The following HOMER2 variants were observed in gnomAD, a reference collection of about 807,000 sequenced individuals.
HOMER2 encodes homer scaffold protein 2.
In HOMER2, 27 loss-of-function variants were observed where a neutral mutation model predicts 47.0. The ratio of observed to expected loss-of-function variants is 0.57; its 90% CI spans 0.42 to 0.79. The LOEUF is 0.79. Ranked by LOEUF, HOMER2 falls within the 30% of genes least tolerant of loss-of-function variation. The pLI is 0.00. For missense variants in HOMER2, 443 were observed against 435.0 expected (o/e 1.02, Z -0.16); for synonymous variants, 161 against 163.8 (o/e 0.98, Z 0.13).
At chr15:82,839,155 C>CA in exon 2 of HOMER2, 1 of 152,146 alleles carries the variant, frequency 6.6e-6, no homozygotes, top group Non-Finnish European at 1.5e-5. Context: ...GCTTTTACCC[C>CA]AATAGCCAGG....
chr15:82,923,486 C>CAAAA (rs555074000), intron 1 of HOMER2, among the ~76,000 whole-genome samples: 1 of 56,300 alleles, frequency 1.8e-5, no homozygotes, highest in Non-Finnish European at 3.5e-5. Context: ...GAGTCCGTCT[C>CAAAA]AAAAAAAAAA....
intron 3 of HOMER2, among the ~76,000 whole-genome samples, chr15:82,874,437 A>G (rs1354006877): frequency 6.6e-6 from 1 of 152,212 alleles, no homozygotes; most frequent in Non-Finnish European, 1.5e-5. Context: ...AGTCTCTAAA[A>G]CAGGCTCTCA....
intron 1 of HOMER2, among the ~76,000 whole-genome samples, chr15:82,970,012 A>G (rs1463244521): frequency 6.6e-6 from 1 of 152,224 alleles, no homozygotes; most frequent in Non-Finnish European, 1.5e-5. Flanking sequence ...TGGCGGTGAA[A>G]GAGGATTATC....
Position 82,910,662 on chromosome 15 carries a change from A to C in HOMER2, c.6-17821T>G, listed in dbSNP as rs555442098. Among the ~76,000 whole-genome samples, 75 of 152,306 alleles carry C rather than the reference A, an allele frequency of 4.9e-4. No homozygotes were observed. The South Asian group carries it at 0.015, about 29-fold the overall frequency. On this transcript the variant is annotated intron_variant, in intron 1 of 8. Coordinates refer to ENST00000450735, the MANE Select transcript of HOMER2 (RefSeq NM_004839.4). Reference sequence around the variant, plus strand: ...ATAATAGGGAAGTGCAATTACTTCTAATTTCCCAGATAAGGAGTTTGCCTC... The same window carrying C: ...ATAATAGGGAAGTGCAATTACTTCTCATTTCCCAGATAAGGAGTTTGCCTC...
rs200943827 is a variant in HOMER2 at position 82,892,860 on chromosome 15, C to T, written c.6-19G>A. ...CTGTTCTCTGCAATAAGAGAGTGGG[C>T]GTGTGAGTTGAGAGAACATGACTTA... On this transcript the variant is annotated intron_variant, in intron 1 of 8. Coordinates refer to ENST00000450735, the MANE Select transcript of HOMER2 (RefSeq NM_004839.4). The T allele has an allele frequency of 3.0e-5, 45 of 1,498,772 alleles. No individual in the cohort carries two copies. Among genetic ancestry groups the T allele is most frequent in the South Asian group, 2.1e-4 (15 of 71,414 alleles). 92.8% of individuals were successfully genotyped at this position (1,498,772 alleles called of 1,614,324 possible). A position where few individuals can be genotyped will look rare whatever the true frequency, so the allele number is the denominator to read the frequency against.
chr15:82,925,117 C>T (rs535017772), intron 1 of HOMER2, among the ~76,000 whole-genome samples: 2 of 152,326 alleles, frequency 1.3e-5, no homozygotes, highest in Non-Finnish European at 2.9e-5. Context: ...AGGAATGATT[C>T]AGAAATCCCA....
chr15:82,949,686 G>C (rs531922899), intron 1 of HOMER2, among the ~76,000 whole-genome samples: 1 of 152,296 alleles, frequency 6.6e-6, no homozygotes, highest in Admixed American at 6.5e-5. Flanking sequence ...ATGTAGGAGG[G>C]AGGGAGATCT....
chr15:82,937,777 G>A (rs1012925123), intron 1 of HOMER2, among the ~76,000 whole-genome samples: 23 of 152,186 alleles, frequency 1.5e-4, no homozygotes, highest in African/African-American at 5.5e-4. Context: ...GGATGGCAAA[G>A]CACTCCGAGT....
chr15:82,879,652 CTGA>C (rs1221165309), intron 2 of HOMER2, among the ~76,000 whole-genome samples: 4 of 152,164 alleles, frequency 2.6e-5, no homozygotes, highest in African/African-American at 9.7e-5. Flanking sequence ...AATCTTTTTG[CTGA>C]TGGAGGGACT....
chr15:82,837,484 C>T (rs1177433759), exon 2 of HOMER2: 1 of 152,174 alleles, frequency 6.6e-6, no homozygotes, highest in Non-Finnish European at 1.5e-5. Flanking sequence ...GCAGATTGTC[C>T]TTAGAAAAAT....
At chr15:82,865,913 G>A (rs1462881911) in intron 3 of HOMER2, among the ~76,000 whole-genome samples, 1 of 152,218 alleles carries the variant, frequency 6.6e-6, no homozygotes, top group Non-Finnish European at 1.5e-5. Flanking sequence ...TTTGCTGCAG[G>A]GGTGGGGCTC....
At chr15:82,902,360 G>A (rs919301639) in intron 1 of HOMER2, among the ~76,000 whole-genome samples, 1 of 152,012 alleles carries the variant, frequency 6.6e-6, no homozygotes, top group Non-Finnish European at 1.5e-5. Context: ...ACCACGCCCG[G>A]CTAATTTTTG....
At chr15:82,866,992 G>T (rs964489130) in intron 3 of HOMER2, among the ~76,000 whole-genome samples, 1 of 152,158 alleles carries the variant, frequency 6.6e-6, no homozygotes, top group African/African-American at 2.4e-5. Flanking sequence ...GAACAAACAG[G>T]TGAGAAATGG....
chr15:82,857,243 AGAC>A (rs1273101180), intron 5 of HOMER2, among the ~76,000 whole-genome samples: 2 of 152,078 alleles, frequency 1.3e-5, no homozygotes, highest in Non-Finnish European at 2.9e-5. Flanking sequence ...CACAGGGAGA[AGAC>A]TGTGGTCTAT....
chr15:82,867,754 T>C (rs2052022422), intron 3 of HOMER2, among the ~76,000 whole-genome samples: 1 of 152,142 alleles, frequency 6.6e-6, no homozygotes, highest in Admixed American at 6.5e-5. Context: ...TCATACCTAC[T>C]GACCCAGTGA....
At chr15:82,924,478 C>G (rs2053810416) in intron 1 of HOMER2, among the ~76,000 whole-genome samples, 2 of 151,532 alleles carry the variant, frequency 1.3e-5, no homozygotes, top group Non-Finnish European at 2.9e-5. Context: ...GTAGACTTCT[C>G]CCGACTTCAC....
chr15:82,897,596 A>G (rs962650344), intron 1 of HOMER2, among the ~76,000 whole-genome samples: 1 of 152,182 alleles, frequency 6.6e-6, no homozygotes, highest in African/African-American at 2.4e-5. Flanking sequence ...TCATTTGTGT[A>G]ATTAAGTCAC....
exon 2 of HOMER2, chr15:82,838,936 A>C (rs931579355): frequency 1.3e-5 from 2 of 152,250 alleles, no homozygotes; most frequent in African/African-American, 4.8e-5. Context: ...TGCCATGTGA[A>C]TAGCCTGTTC....
chr15:82,864,508 T>A (rs1026033368), intron 3 of HOMER2, among the ~76,000 whole-genome samples: 2 of 152,156 alleles, frequency 1.3e-5, no homozygotes, highest in Non-Finnish European at 2.9e-5. Context: ...AACAAACTAA[T>A]ACAAAAATGG....
Sources: gnomAD v4.1 joint callset for allele counts (sites outside exome capture counted in the v4.1 genomes callset) on GRCh38, gnomAD v4.1.1 for gene constraint, MANE v1.5 for transcripts, NCBI Gene and HGNC (gene_info 2026-07-23, HGNC 2026-07-21) for gene names.